SLTM: variants seen among roughly 807,000 people sequenced by gnomAD.
The protein encoded by SLTM is SAFB-like transcription modulator.
SLTM carries 43 observed loss-of-function variants against 134.6 expected under a neutral mutation model. The observed-to-expected ratio is 0.32, with a 90% CI of 0.25 to 0.41. The LOEUF is 0.41. Ranked by LOEUF, SLTM falls within the 10% of genes least tolerant of loss-of-function variation. SLTM has a pLI of 1.00. For synonymous variants in SLTM, 424 were observed against 432.3 expected, an observed-to-expected ratio of 0.98 and a Z score of 0.24; for missense variants, 1,055 against 1,288.8, an observed-to-expected ratio of 0.82 and a Z score of 2.78.
chr15:58,908,668 C>T (rs1156405981), intron 5 of SLTM, among the ~76,000 whole-genome samples: 1 of 152,056 alleles, frequency 6.6e-6, no homozygotes, highest in African/African-American at 2.4e-5. Context: ...CACACCCAGC[C>T]CAGACTAAAC....
chr15:58,930,606 G>C (rs2037805156), intron 2 of SLTM, among the ~76,000 whole-genome samples: 1 of 151,698 alleles, frequency 6.6e-6, no homozygotes, highest in African/African-American at 2.4e-5. Context: ...CCAGCTACCA[G>C]GGAGGCTAAG....
At chr15:58,923,729 CA>C (rs2037261214) in intron 2 of SLTM, among the ~76,000 whole-genome samples, 2 of 146,980 alleles carry the variant, frequency 1.4e-5, no homozygotes, top group Admixed American at 1.4e-4. Context: ...GCAACTGCCG[CA>C]AAACTGTGAA....
intron 9 of SLTM, among the ~76,000 whole-genome samples, chr15:58,896,109 A>G (rs2035058174): frequency 6.6e-6 from 1 of 152,290 alleles, no homozygotes; most frequent in Non-Finnish European, 1.5e-5. Flanking sequence ...AGCATTTGTT[A>G]TTAATTGAGT....
chr15:58,907,513 C>T (rs1162872222), intron 5 of SLTM, among the ~76,000 whole-genome samples: 2 of 151,936 alleles, frequency 1.3e-5, no homozygotes, highest in Non-Finnish European at 2.9e-5. Context: ...TCCCAGCTAC[C>T]AGGAGACTGA....
At chr15:58,886,215 A>AAGAG (rs1491332877) in intron 19 of SLTM, among the ~76,000 whole-genome samples, 2 of 136,936 alleles carry the variant, frequency 1.5e-5, no homozygotes, top group African/African-American at 5.7e-5. Flanking sequence ...GGAGAAAAAG[A>AAGAG]AGAGTGTGTG....
At chr15:58,917,772 C>T (rs78688330) in intron 2 of SLTM, among the ~76,000 whole-genome samples, 2 of 152,004 alleles carry the variant, frequency 1.3e-5, no homozygotes, top group Non-Finnish European at 2.9e-5. Context: ...ATTCTTGAGA[C>T]AGAGTCGCAC....
chr15:58,923,223 G>A (rs1389945183), intron 2 of SLTM, among the ~76,000 whole-genome samples: 1 of 152,056 alleles, frequency 6.6e-6, no homozygotes, highest in African/African-American at 2.4e-5. Flanking sequence ...GCCAGGCGTG[G>A]TGGTGTGCAC....
chr15:58,901,030 G>A (rs762528105), intron 6 of SLTM: 19 of 446,910 alleles, frequency 4.3e-5, no homozygotes, highest in Non-Finnish European at 6.4e-5. Context: ...AAATAGCATT[G>A]TTCACTACAG....
chr15:58,930,712 A>T lies in SLTM; in HGVS notation c.250+1644T>A, dbSNP rs971121458. ...GCAACAGAGCAATACCCTATTAAAAAATATATATATATATCATATATGATA... is the reference window on the plus strand; with the variant it reads ...GCAACAGAGCAATACCCTATTAAAATATATATATATATATCATATATGATA... On this transcript the variant is annotated intron_variant, in intron 2 of 20. Coordinates refer to ENST00000380516, the MANE Select transcript of SLTM (RefSeq NM_024755.4). Among the ~76,000 whole-genome samples, 90 of 147,278 alleles carry T rather than the reference A, an allele frequency of 6.1e-4. 1 individual carries two copies. The highest frequency in any genetic ancestry group is 6.0e-3 in the South Asian group (28 of 4,696).
At position 58,899,677 on chromosome 15, in the gene SLTM, C is replaced by T; in HGVS notation, c.850G>A (p.Asp284Asn). 5.6e-6 allele frequency: 9 copies of T among 1,614,168 alleles called. No homozygotes were observed. Among genetic ancestry groups the T allele is most frequent in the Non-Finnish European group, 7.6e-6 (9 of 1,180,016 alleles). ...SEASKPKDGQ[D>N]AIAQSPEKES... ...TTCTCCGGGCTCTGTGCAATGGCGT[C>T]CTGCCCATCTTTTGGCTTACTTGCT... Residue 284 changes from aspartate to asparagine, a missense_variant, in exon 7 of 21, where the codon GAC (aspartate) becomes AAC (asparagine). By Grantham distance (23) the Asp-to-Asn change is conservative. Transcript: ENST00000380516. The surrounding 1 kb of genome is among the most constrained non-coding windows in gnomAD (Gnocchi z 5.0).
At chr15:58,914,458 G>C (rs946015427) in intron 3 of SLTM, among the ~76,000 whole-genome samples, 1 of 152,230 alleles carries the variant, frequency 6.6e-6, no homozygotes, top group Non-Finnish European at 1.5e-5. Flanking sequence ...CCAAACTGCA[G>C]TGAGGAAATG....
In SLTM at chr15:58,887,504, T is replaced by C. The variant is rs2034317887; in HGVS notation, c.2412A>G (p.Lys804=). The part of the protein sequence containing the change: ...DRFVGQSEGK[K]ARPTARREDP... Reference sequence around the variant, plus strand: ...CTTCCCTTCGTGCAGTAGGTCGTGCTTTTTTCCCCTCACTTTGACCAACAA... The same window carrying C: ...CTTCCCTTCGTGCAGTAGGTCGTGCCTTTTTCCCCTCACTTTGACCAACAA... The change falls in exon 18 of 21, where the codon AAA becomes AAG. Residue 804 remains lysine, a synonymous_variant. Coordinates refer to ENST00000380516, the MANE Select transcript of SLTM (RefSeq NM_024755.4). 1 of 1,612,812 alleles carries C rather than the reference T, an allele frequency of 6.2e-7. No homozygotes were observed. The highest frequency in any genetic ancestry group is 8.5e-7 in the Non-Finnish European group (1 of 1,179,574).
chr15:58,932,496 A>T, intron 1 of SLTM, 53 bp from the exon 2 acceptor site: 2 of 1,379,492 alleles, frequency 1.4e-6, no homozygotes, highest in Non-Finnish European at 2.0e-6. Context: ...AACTTATTTT[A>T]TAAAAACGAA....
chr15:58,895,464 GAAGAA>G (rs201528174), intron 9 of SLTM, among the ~76,000 whole-genome samples: 1,713 of 152,282 alleles, frequency 0.011, 32 homozygotes, highest in African/African-American at 0.039. Flanking sequence ...GGATGAGTGA[GAAGAA>G]AAGAGAGAGA....
chr15:58,906,291 T>C (rs2035864095), intron 5 of SLTM, among the ~76,000 whole-genome samples: 1 of 152,148 alleles, frequency 6.6e-6, no homozygotes, highest in Non-Finnish European at 1.5e-5. Flanking sequence ...ATGTAAAGCA[T>C]CTTTTTAAAT....
chr15:58,896,320 A>C (rs1242764543), intron 9 of SLTM, among the ~76,000 whole-genome samples: 2 of 152,114 alleles, frequency 1.3e-5, no homozygotes, highest in Non-Finnish European at 2.9e-5. Context: ...GCACTTTGGG[A>C]GGCTGAGACT....
intron 5 of SLTM, among the ~76,000 whole-genome samples, chr15:58,912,154 C>T (rs1341309621): frequency 1.3e-5 from 2 of 148,818 alleles, no homozygotes; most frequent in Non-Finnish European, 3.0e-5. Context: ...GGCTGGAGTG[C>T]AGTGGTGCAA....
intron 14 of SLTM, among the ~76,000 whole-genome samples, chr15:58,891,795 ATTGT>A (rs1351426469): frequency 5.9e-5 from 9 of 151,946 alleles, no homozygotes; most frequent in Admixed American, 5.2e-4. Flanking sequence ...TTTTTTTGAA[ATTGT>A]TAGTATAGCT....
intron 20 of SLTM, among the ~76,000 whole-genome samples, chr15:58,883,190 C>A (rs2033883390): frequency 6.6e-6 from 1 of 152,208 alleles, no homozygotes; most frequent in African/African-American, 2.4e-5. Flanking sequence ...TGGCACATGC[C>A]TGTAATCCCA....
Sources: allele counts gnomAD v4.1 joint callset (sites outside exome capture counted in the v4.1 genomes callset), GRCh38; gene constraint gnomAD v4.1.1; non-coding constraint Gnocchi (gnomAD v3.1); transcripts MANE v1.5; gene names NCBI Gene and HGNC (gene_info 2026-07-23, HGNC 2026-07-21).